The following CFDP1 variants were observed in gnomAD, a reference collection of about 807,000 sequenced individuals.
CFDP1 encodes the protein chromatin remodeling protein CFDP1.
A neutral mutation model predicts 40.1 loss-of-function variants in CFDP1; 31 were observed. That is an observed-to-expected ratio of 0.77 (90% CI 0.58 to 1.04). The LOEUF is 1.04. CFDP1 is among the 50% of genes least tolerant of loss of function. The pLI, the probability that CFDP1 is intolerant of heterozygous loss-of-function variation, is 0.00. For missense variants in CFDP1, 423 were observed against 343.4 expected, an observed-to-expected ratio of 1.23 and a Z score of -1.83; for synonymous variants, 167 against 120.0, an observed-to-expected ratio of 1.39 and a Z score of -2.56.
intron 1 of CFDP1, among the ~76,000 whole-genome samples, chr16:75,425,673 AG>A (rs1259410781): frequency 1.3e-5 from 2 of 151,650 alleles, no homozygotes; most frequent in African/African-American, 2.4e-5. Context: ...AAAAAAAAAA[AG>A]AATCCATAAC....
At chr16:75,353,871 C>G (rs560532801) in intron 5 of CFDP1, among the ~76,000 whole-genome samples, 1 of 150,528 alleles carries the variant, frequency 6.6e-6, no homozygotes, top group African/African-American at 2.4e-5. Flanking sequence ...GTTTTCAAAC[C>G]ATTTTTCCCT....
chr16:75,335,944 G>A (rs897956723), intron 5 of CFDP1, among the ~76,000 whole-genome samples: 2 of 152,052 alleles, frequency 1.3e-5, no homozygotes, highest in African/African-American at 4.8e-5. Context: ...GTAGCGGTTC[G>A]ACCTAACACA....
intron 5 of CFDP1, among the ~76,000 whole-genome samples, chr16:75,392,358 T>A (rs1171575230): frequency 6.6e-6 from 1 of 151,488 alleles, no homozygotes; most frequent in Non-Finnish European, 1.5e-5. Context: ...TGAGCCAAGA[T>A]TGCACCACTG....
At chr16:75,396,314 C>T (rs74323077) in intron 4 of CFDP1, among the ~76,000 whole-genome samples, 3,312 of 104,080 alleles carry the variant, frequency 0.032, 848 homozygotes, top group African/African-American at 0.088. Flanking sequence ...CCAAGGCAGG[C>T]GGACCACGAA....
Position 75,335,027 on chromosome 16 carries a change from G to C in CFDP1, c.651-29845C>G, listed in dbSNP as rs889819030. ...AAAACATCTATTCAGTAGGTCAACT[G>C]ATAGACTAAGGGCATGTGTGTGGAA... On this transcript the variant is annotated intron_variant, in intron 5 of 6. Transcript: ENST00000283882. Among the ~76,000 whole-genome samples the C allele has an allele frequency of 2.6e-5, 4 of 152,128 alleles. No individual in the cohort carries two copies. The South Asian group carries it at 8.3e-4, about 31-fold the overall frequency.
intron 5 of CFDP1, among the ~76,000 whole-genome samples, chr16:75,349,684 A>ATAGATATATATATATAT (rs1555557207): frequency 1.2e-4 from 1 of 8,284 alleles, no homozygotes; most frequent in Non-Finnish European, 2.3e-4. Flanking sequence ...AAAAAAAAAA[A>ATAGATATATATATATAT]AAAAAAATAT....
chr16:75,427,730 C>T (rs2079357412), intron 1 of CFDP1, among the ~76,000 whole-genome samples: 1 of 152,104 alleles, frequency 6.6e-6, no homozygotes, highest in East Asian at 1.9e-4. Context: ...CCCAGTAATC[C>T]CACTCCTAGA....
At chr16:75,334,956 C>CAA (rs56372530) in intron 5 of CFDP1, among the ~76,000 whole-genome samples, 1 of 127,894 alleles carries the variant, frequency 7.8e-6, no homozygotes, top group Non-Finnish European at 1.7e-5. Context: ...CACTCTGCCT[C>CAA]AAAAAAAAAA....
chr16:75,366,357 G>A lies in CFDP1; in HGVS notation c.650+28733C>T, dbSNP rs965762775. On this transcript the variant is annotated intron_variant, in intron 5 of 6. Transcript: ENST00000283882. Reference sequence around the variant, plus strand: ...ATGAACTTCAAAAACACCTTATAGCGAGGCCAGGCACAGTGGCTCACACCT... The same window carrying A: ...ATGAACTTCAAAAACACCTTATAGCAAGGCCAGGCACAGTGGCTCACACCT... Among the ~76,000 whole-genome samples, 6 of 152,080 alleles carry A rather than the reference G, an allele frequency of 3.9e-5. No individual in the cohort carries two copies. In the East Asian group the frequency reaches 7.7e-4, roughly 20 times the overall value.
intron 5 of CFDP1, among the ~76,000 whole-genome samples, chr16:75,368,778 G>A (rs1157808889): frequency 6.6e-6 from 1 of 151,864 alleles, no homozygotes; most frequent in Non-Finnish European, 1.5e-5. Context: ...AGTACTACAG[G>A]CACGTGCCAC....
chr16:75,322,356 T>C (rs967117488), intron 5 of CFDP1, among the ~76,000 whole-genome samples: 1 of 152,244 alleles, frequency 6.6e-6, no homozygotes, highest in South Asian at 2.1e-4. Context: ...TTTTTATTTA[T>C]AGTCATGTGT....
chr16:75,348,071 C>T lies in CFDP1; in HGVS notation c.651-42889G>A, dbSNP rs547646725. On this transcript the variant is annotated intron_variant, in intron 5 of 6. Transcript: ENST00000283882. The stretch of plus-strand genomic sequence containing the variant: ...AAACGGTTATTAGTGGGAAAACTGT[C>T]AAAATCTGAAGTCTATCGTTTAGTT... Among the ~76,000 whole-genome samples, 70 of 152,288 alleles carry T rather than the reference C, an allele frequency of 4.6e-4. 1 individual carries two copies. In the South Asian group the frequency reaches 8.1e-3, roughly 18 times the overall value.
At chr16:75,371,451 T>G (rs529725341) in intron 5 of CFDP1, among the ~76,000 whole-genome samples, 2 of 152,228 alleles carry the variant, frequency 1.3e-5, no homozygotes, top group South Asian at 4.1e-4. Flanking sequence ...GAAACCTGAA[T>G]GGGGGGCGAG....
At chr16:75,418,252 C>CAAAA (rs34789992) in intron 1 of CFDP1, among the ~76,000 whole-genome samples, 5 of 57,002 alleles carry the variant, frequency 8.8e-5, no homozygotes, top group Non-Finnish European at 1.2e-4. Context: ...AACTCTGTCT[C>CAAAA]AAAAAAAAAA....
At chr16:75,298,118 G>A (rs946557075) in intron 6 of CFDP1, among the ~76,000 whole-genome samples, 7 of 152,218 alleles carry the variant, frequency 4.6e-5, no homozygotes, top group Non-Finnish European at 7.3e-5. Flanking sequence ...CAGGCTTTGT[G>A]TATAAGGTAC....
intron 5 of CFDP1, among the ~76,000 whole-genome samples, chr16:75,365,206 G>C (rs2078705367): frequency 6.6e-6 from 1 of 152,154 alleles, no homozygotes; most frequent in East Asian, 1.9e-4. Context: ...GAATGGCAAG[G>C]TTAAATACAT....
chr16:75,348,879 T>C (rs933582174), intron 5 of CFDP1, among the ~76,000 whole-genome samples: 3 of 152,190 alleles, frequency 2.0e-5, no homozygotes, highest in African/African-American at 7.2e-5. Context: ...AATTTTTGTT[T>C]TCAGAGACAG....
At chr16:75,332,384 G>A (rs576481512) in intron 5 of CFDP1, among the ~76,000 whole-genome samples, 18 of 152,224 alleles carry the variant, frequency 1.2e-4, no homozygotes, top group African/African-American at 4.3e-4. Flanking sequence ...AGAATCACTT[G>A]AGCCTGAGAG....
chr16:75,329,737 G>C (rs2078431471), intron 5 of CFDP1, among the ~76,000 whole-genome samples: 1 of 152,198 alleles, frequency 6.6e-6, no homozygotes, highest in African/African-American at 2.4e-5. Context: ...CAAAGTACCT[G>C]AAGAGAGTTG....
Sources: allele counts gnomAD v4.1 joint callset (sites outside exome capture counted in the v4.1 genomes callset), GRCh38; gene constraint gnomAD v4.1.1; transcripts MANE v1.5; gene names NCBI Gene and HGNC (gene_info 2026-07-23, HGNC 2026-07-21).